GRIK2: variants seen among roughly 807,000 people sequenced by gnomAD.
GRIK2 encodes glutamate receptor ionotropic, kainate 2.
In GRIK2, 32 loss-of-function variants were observed where a neutral mutation model predicts 100.3. That is an observed-to-expected ratio of 0.32 (90% CI 0.24 to 0.43). The LOEUF is 0.43. Among genes scored for constraint, GRIK2 ranks in the 20% least tolerant of loss-of-function variants. GRIK2 has a pLI of 1.00. For synonymous variants in GRIK2, 417 were observed against 389.4 expected (o/e 1.07, Z -0.83); for missense variants, 843 against 1,114.9 (o/e 0.76, Z 3.47).
intron 2 of GRIK2, among the ~76,000 whole-genome samples, chr6:101,406,014 A>G (rs1775576176): frequency 2.0e-5 from 3 of 152,172 alleles, no homozygotes; most frequent in African/African-American, 7.2e-5. Flanking sequence ...TTCACATTTC[A>G]CAGTTCCTCT....
At chr6:101,764,494 G>C (rs1192124742) in intron 7 of GRIK2, among the ~76,000 whole-genome samples, 1 of 152,038 alleles carries the variant, frequency 6.6e-6, no homozygotes, top group Non-Finnish European at 1.5e-5. Flanking sequence ...CTGAAGAAAA[G>C]CAAGGTGAGA....
At chr6:101,498,440 C>T (rs1773566818) in intron 2 of GRIK2, among the ~76,000 whole-genome samples, 1 of 151,832 alleles carries the variant, frequency 6.6e-6, no homozygotes, top group Non-Finnish European at 1.5e-5. Context: ...GAGGAATCGC[C>T]ACACTGACTT....
chr6:101,569,612 C>T (rs550220580), intron 2 of GRIK2, among the ~76,000 whole-genome samples: 4 of 151,974 alleles, frequency 2.6e-5, no homozygotes, highest in African/African-American at 9.6e-5. Flanking sequence ...TACATTTTTA[C>T]TATACCTCAT....
At position 101,889,621 on chromosome 6, in the gene GRIK2, T is replaced by C; in HGVS notation, c.1525-19T>C. On this transcript the variant is annotated intron_variant, in intron 11 of 16. Transcript: ENST00000369134. ...TCTTTCTTTCTTTTTTTTTTTTTTT[T>C]GTTTGTTTCTGTCTACAGAAAGCTG... is the stretch of plus-strand genomic sequence containing the variant. The C allele has an allele frequency of 9.4e-7, 1 of 1,058,446 alleles. No individual in the cohort carries two copies. Among genetic ancestry groups the C allele is most frequent in the Non-Finnish European group, 1.3e-6 (1 of 747,120 alleles). 65.6% of individuals were successfully genotyped at this position (1,058,446 alleles called of 1,614,324 possible). A position where few individuals can be genotyped will look rare whatever the true frequency, so the allele number is the denominator to read the frequency against.
At chr6:101,931,805 C>T (rs555451957) in intron 14 of GRIK2, among the ~76,000 whole-genome samples, 3 of 152,138 alleles carry the variant, frequency 2.0e-5, no homozygotes, top group African/African-American at 7.2e-5. Flanking sequence ...CATGGTATCA[C>T]CAATATGTTC....
Position 102,031,078 on chromosome 6 carries a change from C to T in GRIK2, c.2086-4263C>T, listed in dbSNP as rs895607984. The stretch of plus-strand genomic sequence containing the variant: ...AATAATTACCAAGTATTATGCATTA[C>T]ACACACACACACACACACACACACA... On this transcript the variant is annotated intron_variant, in intron 14 of 16. Transcript: ENST00000369134. Among the ~76,000 whole-genome samples, 8 of 39,140 alleles carry T rather than the reference C, an allele frequency of 2.0e-4. No individual in the cohort carries two copies. In the African/African-American group the frequency reaches 2.1e-3, roughly 10 times the overall value. The allele number at this position is 39,140 out of a possible 152,430, so 25.7% of individuals were successfully genotyped here.
chr6:101,493,951 AATAT>A (rs966407061), intron 2 of GRIK2, among the ~76,000 whole-genome samples: 1 of 137,584 alleles, frequency 7.3e-6, no homozygotes, highest in Admixed American at 7.7e-5. Flanking sequence ...ATTTATATAT[AATAT>A]ATATATTTTA....
In GRIK2 at chr6:101,917,111, T is replaced by C. The variant is rs10081164; in HGVS notation, c.1749-7490T>C. Among the ~76,000 whole-genome samples the C allele has an allele frequency of 8.8e-3, 1,330 of 151,762 alleles. 19 individuals are homozygous for C. Among genetic ancestry groups the C allele is most frequent in the African/African-American group, 0.03 (1,243 of 41,468 alleles). On this transcript the variant is annotated intron_variant, in intron 12 of 16. Coordinates refer to ENST00000369134, the MANE Select transcript of GRIK2 (RefSeq NM_021956.5). ...TAATCTAATTTTCTGCCAAGTATGA[T>C]AGTTGTTATAACTGGCCCTTCTCAG... is the stretch of plus-strand genomic sequence containing the variant.
intron 2 of GRIK2, among the ~76,000 whole-genome samples, chr6:101,589,607 T>C (rs982928446): frequency 1.1e-4 from 17 of 152,184 alleles, no homozygotes; most frequent in African/African-American, 4.1e-4. Context: ...TCCAGGTTAA[T>C]CCATGAGGAT....
At chr6:101,601,482 T>C (rs1779211301) in intron 2 of GRIK2, among the ~76,000 whole-genome samples, 1 of 151,980 alleles carries the variant, frequency 6.6e-6, no homozygotes, top group African/African-American at 2.4e-5. Context: ...TCCTTCTTGA[T>C]GTTTTGGAAT....
chr6:101,976,425 G>A (rs950939779), intron 14 of GRIK2, among the ~76,000 whole-genome samples: 1 of 151,936 alleles, frequency 6.6e-6, no homozygotes, highest in Non-Finnish European at 1.5e-5. Context: ...ATCTGGGTGT[G>A]GTGGCTCATG....
At chr6:102,047,046 C>T (rs928147698) in intron 15 of GRIK2, among the ~76,000 whole-genome samples, 1 of 152,008 alleles carries the variant, frequency 6.6e-6, no homozygotes, top group Non-Finnish European at 1.5e-5. Context: ...TCAAAACCTA[C>T]AGAATGCAGC....
At chr6:101,409,528 T>G (rs1775778168) in intron 2 of GRIK2, among the ~76,000 whole-genome samples, 1 of 152,142 alleles carries the variant, frequency 6.6e-6, no homozygotes, top group Admixed American at 6.5e-5. Flanking sequence ...TAGAATAGAT[T>G]TATTTTTAGT....
Position 101,627,117 on chromosome 6 carries a change from C to G in GRIK2, c.541+480C>G, listed in dbSNP as rs985955713. ...TGTGTGTGTGTGCGTGTGTGTGTCT[C>G]TGTGTGTGTGTGTGTGTGTGTGTGT... On this transcript the variant is annotated intron_variant, in intron 4 of 16. Transcript: ENST00000369134. Among the ~76,000 whole-genome samples the G allele has an allele frequency of 8.8e-3, 1,272 of 145,034 alleles. 10 individuals are homozygous for G. The highest frequency in any genetic ancestry group is 0.035 in the South Asian group (159 of 4,562).
At chr6:102,025,762 T>C (rs1020931553) in intron 14 of GRIK2, among the ~76,000 whole-genome samples, 1 of 151,276 alleles carries the variant, frequency 6.6e-6, no homozygotes, top group African/African-American at 2.4e-5. Flanking sequence ...GTTTTGTTTT[T>C]GGTAAATCTA....
intron 2 of GRIK2, among the ~76,000 whole-genome samples, chr6:101,477,389 A>G (rs974567465): frequency 2.0e-5 from 3 of 152,278 alleles, no homozygotes; most frequent in Admixed American, 6.5e-5. Context: ...TTTGCCCACA[A>G]TGGCCCTTCT....
At chr6:101,503,359 A>G (rs1249893238) in intron 2 of GRIK2, among the ~76,000 whole-genome samples, 1 of 152,124 alleles carries the variant, frequency 6.6e-6, no homozygotes, top group African/African-American at 2.4e-5. Context: ...ATGAATAGAA[A>G]GGAGGAAGAA....
intron 13 of GRIK2, chr6:101,928,167 G>T: frequency 2.1e-6 from 1 of 466,320 alleles, no homozygotes; most frequent in Non-Finnish European, 3.8e-6. Context: ...TTGGAACTTT[G>T]CATCATCTCA....
chr6:102,032,923 TTTAG>T (rs1770073336), intron 14 of GRIK2, among the ~76,000 whole-genome samples: 1 of 151,200 alleles, frequency 6.6e-6, no homozygotes, highest in African/African-American at 2.4e-5. Flanking sequence ...TAGTGGGTAA[TTTAG>T]TTAGAAAATC....
Sources: allele counts gnomAD v4.1 joint callset (sites outside exome capture counted in the v4.1 genomes callset), GRCh38; gene constraint gnomAD v4.1.1; transcripts MANE v1.5; gene names NCBI Gene and HGNC (gene_info 2026-07-23, HGNC 2026-07-21).